Variants in RBBP8 observed in about 807,000 individuals in gnomAD.
RBBP8 encodes the protein DNA endonuclease RBBP8.
Under a neutral mutation model 108.3 loss-of-function variants are expected in RBBP8, and 88 were observed. The observed-to-expected ratio is 0.81, with a 90% CI of 0.68 to 0.97. The LOEUF (loss-of-function observed/expected upper bound fraction) is 0.97. RBBP8 is among the 50% of genes least tolerant of loss of function. The probability of loss-of-function intolerance (pLI) is 0.00; values close to 1 mark genes in which losing one functional copy is unlikely to be tolerated. For synonymous variants in RBBP8, 332 were observed against 348.2 expected (o/e 0.95, Z 0.52); for missense variants, 1,023 against 1,049.0 (o/e 0.98, Z 0.34).
In RBBP8 at chr18:22,936,978, A is replaced by G. The variant is rs368319773; in HGVS notation, c.109+18A>G. 7 of 1,613,472 alleles carry G rather than the reference A, an allele frequency of 4.3e-6. No individual in the cohort carries two copies. In the African/African-American group the frequency reaches 5.3e-5, roughly 12 times the overall value. ...AGTACAAGGTAAAATCTTTTCTTAAATACTTACAGCAGTATTTTGTTGAGA... is the reference window on the plus strand; with the variant it reads ...AGTACAAGGTAAAATCTTTTCTTAAGTACTTACAGCAGTATTTTGTTGAGA... On this transcript the variant is annotated intron_variant, in intron 2 of 18. Coordinates refer to ENST00000327155, the MANE Select transcript of RBBP8 (RefSeq NM_002894.3).
At chr18:22,969,221 C>A (rs1263562887) in intron 5 of RBBP8, among the ~76,000 whole-genome samples, 22 of 148,774 alleles carry the variant, frequency 1.5e-4, no homozygotes, top group Admixed American at 1.5e-3. Flanking sequence ...TGGTTTTAAT[C>A]TTTATTTCAT....
At chr18:22,975,316 G>A in intron 6 of RBBP8, 97 bp downstream of exon 6, 4 of 1,514,920 alleles carry the variant, frequency 2.6e-6, no homozygotes, top group Non-Finnish European at 1.8e-6. Flanking sequence ...TAAAAATTAT[G>A]AAGTGTTCTG....
intron 13 of RBBP8, among the ~76,000 whole-genome samples, chr18:22,996,830 C>T (rs572138777): frequency 1.3e-5 from 2 of 152,110 alleles, no homozygotes; most frequent in Non-Finnish European, 2.9e-5. Flanking sequence ...GGCCCTGTCT[C>T]TATAGGAAAT....
intron 5 of RBBP8, among the ~76,000 whole-genome samples, chr18:22,973,274 A>C (rs1914253722): frequency 6.6e-6 from 1 of 152,186 alleles, no homozygotes; most frequent in Non-Finnish European, 1.5e-5. Flanking sequence ...TAAATAATTC[A>C]GAAATTTTTT....
intron 5 of RBBP8, among the ~76,000 whole-genome samples, chr18:22,972,788 G>T (rs752640333): frequency 2.0e-5 from 3 of 151,968 alleles, no homozygotes; most frequent in Non-Finnish European, 4.4e-5. Flanking sequence ...ATAGTTTTGG[G>T]GTTTTTTAGC....
intron 3 of RBBP8, among the ~76,000 whole-genome samples, chr18:22,928,090 A>T (rs1409523178): frequency 6.7e-6 from 1 of 149,496 alleles, no homozygotes; most frequent in Non-Finnish European, 1.5e-5. Flanking sequence ...AATCCCAGCT[A>T]CTCGGGAGAC....
intron 8 of RBBP8, among the ~76,000 whole-genome samples, chr18:22,986,073 T>C (rs565248058): frequency 2.1e-4 from 32 of 151,948 alleles, no homozygotes; most frequent in Middle Eastern, 6.8e-3. Context: ...TGTATGCATG[T>C]ATGTCTGTGC....
intron 18 of RBBP8, among the ~76,000 whole-genome samples, chr18:23,024,040 ATTT>A (rs35157427): frequency 9.7e-6 from 1 of 102,930 alleles, no homozygotes; most frequent in Non-Finnish European, 1.9e-5. Context: ...TACCCAGCCT[ATTT>A]TTTTTTTTTT....
chr18:22,920,899 A>T (rs1346093255), intron 3 of RBBP8: 1 of 152,226 alleles, frequency 6.6e-6, no homozygotes, highest in Non-Finnish European at 1.5e-5. Context: ...CAAGTGAGTG[A>T]ATCTTTTCAA....
intron 16 of RBBP8, among the ~76,000 whole-genome samples, chr18:23,008,381 T>C (rs2046096097): frequency 6.6e-6 from 1 of 152,246 alleles, no homozygotes; most frequent in South Asian, 2.1e-4. Context: ...AGAGCTGTCA[T>C]TTTGTTTAAT....
intron 17 of RBBP8, among the ~76,000 whole-genome samples, chr18:23,019,545 A>G (rs116534115): frequency 2.6e-3 from 398 of 152,240 alleles, no homozygotes; most frequent in African/African-American, 9.2e-3. Flanking sequence ...TCACACATCC[A>G]AAAACAAACA....
chr18:22,984,857 T>C (rs1237604698), intron 7 of RBBP8, 29 bp from the exon 8 acceptor site: 1 of 1,267,344 alleles, frequency 7.9e-7, no homozygotes, highest in Admixed American at 1.7e-5. Context: ...TTGTTTATTG[T>C]GTAATCTCTT....
chr18:22,957,291 C>CTTTTTTTTT (rs11418623), intron 4 of RBBP8, among the ~76,000 whole-genome samples: 110 of 92,772 alleles, frequency 1.2e-3, no homozygotes, highest in East Asian at 1.4e-3. Flanking sequence ...ATTACTTTTT[C>CTTTTTTTTT]TTTTTTTTTT....
At chr18:22,974,750 G>A (rs902320217) in intron 5 of RBBP8, among the ~76,000 whole-genome samples, 9 of 152,092 alleles carry the variant, frequency 5.9e-5, no homozygotes, top group South Asian at 2.1e-4. Context: ...GAGCCACTGC[G>A]CCTGGCCTAT....
At chr18:22,918,203 G>A (rs966867894) in intron 3 of RBBP8, among the ~76,000 whole-genome samples, 1 of 152,150 alleles carries the variant, frequency 6.6e-6, no homozygotes, top group Admixed American at 6.5e-5. Context: ...ACTAATGGAA[G>A]AAAGCGTGAC....
intron 18 of RBBP8, among the ~76,000 whole-genome samples, chr18:23,025,643 T>C (rs2046440064): frequency 6.6e-6 from 1 of 152,244 alleles, no homozygotes; most frequent in African/African-American, 2.4e-5. Flanking sequence ...TCTATTGAAA[T>C]AGCTACTGTA....
intron 2 of RBBP8, among the ~76,000 whole-genome samples, chr18:22,938,310 T>G (rs939432116): frequency 6.6e-6 from 1 of 151,980 alleles, no homozygotes; most frequent in African/African-American, 2.4e-5. Flanking sequence ...TGTTTTTGTT[T>G]TTGTTTTTTT....
intron 8 of RBBP8, 76 bp from the exon 9 acceptor site, chr18:22,989,145 T>C (rs1264742845): frequency 9.7e-7 from 1 of 1,029,690 alleles, no homozygotes; most frequent in Admixed American, 1.9e-5. Context: ...CTTTTGTCAT[T>C]TTAATGTGTC....
At chr18:22,999,722 A>T (rs1255869037) in intron 14 of RBBP8, among the ~76,000 whole-genome samples, 1 of 152,236 alleles carries the variant, frequency 6.6e-6, no homozygotes, top group African/African-American at 2.4e-5. Context: ...ATATACCAAT[A>T]AAAATTCCAT....
Sources: gnomAD v4.1 joint callset for allele counts (sites outside exome capture counted in the v4.1 genomes callset) on GRCh38, gnomAD v4.1.1 for gene constraint, MANE v1.5 for transcripts, NCBI Gene and HGNC (gene_info 2026-07-23, HGNC 2026-07-21) for gene names.